TSGA10IP: variants seen among roughly 807,000 people sequenced by gnomAD.
The protein encoded by TSGA10IP is testis-specific protein 10-interacting protein.
TSGA10IP carries 64 observed loss-of-function variants against 63.2 expected under a neutral mutation model. The observed-to-expected ratio is 1.01, with a 90% confidence interval of 0.83 to 1.25. TSGA10IP has a LOEUF of 1.25. TSGA10IP is among the 50% of genes most tolerant of loss of function. The pLI is 0.00. For synonymous variants in TSGA10IP, 316 were observed against 298.3 expected (o/e 1.06, Z -0.61); for missense variants, 681 against 710.1 (o/e 0.96, Z 0.47).
At chr11:65,956,070 C>T (rs1363922338) in intron 5 of TSGA10IP, among the ~76,000 whole-genome samples, 1 of 152,020 alleles carries the variant, frequency 6.6e-6, no homozygotes, top group African/African-American at 2.4e-5. Context: ...GGTGAGGGTC[C>T]TGCCCTGCCT....
At chr11:65,951,075 A>G (rs928329951) in intron 4 of TSGA10IP, among the ~76,000 whole-genome samples, 1 of 152,102 alleles carries the variant, frequency 6.6e-6, no homozygotes, top group African/African-American at 2.4e-5. Flanking sequence ...GTGTATATAT[A>G]CCACCTTTTC....
At chr11:65,955,051 T>G (rs953162529) in intron 5 of TSGA10IP, among the ~76,000 whole-genome samples, 1 of 152,200 alleles carries the variant, frequency 6.6e-6, no homozygotes, top group African/African-American at 2.4e-5. Flanking sequence ...GTGTGTTTTT[T>G]TACCATCAAA....
chr11:65,945,622 C>T (rs1854810992), exon 1 of TSGA10IP: 5 of 1,589,008 alleles, frequency 3.1e-6, no homozygotes, highest in African/African-American at 1.3e-5. Context: ...GGACTGGTTG[C>T]CATAGAGATG....
chr11:65,945,818 A>G (rs1591111061), exon 1 of TSGA10IP: 1 of 1,613,804 alleles, frequency 6.2e-7, no homozygotes. Context: ...TCTCAGGACA[A>G]GCAGGTGAGG....
chr11:65,949,911 G>C (rs1443720094), intron 4 of TSGA10IP, among the ~76,000 whole-genome samples: 50 of 126,464 alleles, frequency 4.0e-4, no homozygotes, highest in African/African-American at 1.5e-3. Context: ...GGAGTGCTGT[G>C]GTGTGATCTC....
chr11:65,958,941 A>G (rs1278810070), exon 6 of TSGA10IP: 1 of 1,613,280 alleles, frequency 6.2e-7, no homozygotes. Flanking sequence ...CATCCAGCAC[A>G]GGGTGCAGGC....
chr11:65,948,319 C>T (rs371481048), intron 4 of TSGA10IP, among the ~76,000 whole-genome samples, 171 bp downstream of exon 4: 3 of 146,142 alleles, frequency 2.1e-5, no homozygotes, highest in African/African-American at 4.9e-5. Flanking sequence ...CATCCATCCA[C>T]CCATCCATCC....
intron 1 of TSGA10IP, 85 bp downstream of exon 1, chr11:65,945,907 C>T: frequency 6.7e-7 from 1 of 1,494,518 alleles, no homozygotes; most frequent in African/African-American, 1.4e-5. Context: ...CCTTGAGAAG[C>T]CACAAGACCT....
In TSGA10IP at chr11:65,948,132, C is replaced by T. The variant is rs758452043; in HGVS notation, c.1135C>T (p.Arg379Ter). 1.0e-5 allele frequency: 16 copies of T among 1,603,468 alleles called. No homozygotes were observed. The highest frequency in any genetic ancestry group is 7.9e-5 in the South Asian group (7 of 88,828). The stretch of plus-strand genomic sequence containing the variant: ...CCTCCCTAATCGCACCTTCCACAAA[C>T]GACAGGAAGCCACCAGGTAAGAGGG... Residue 379 changes from arginine (R) to a stop codon, truncating the protein, a stop_gained, in exon 4 of 8, where the codon CGA becomes TGA. Transcript: ENST00000532620. LOFTEE classifies it high-confidence loss of function.
chr11:65,957,859 G>T (rs1162023811), intron 5 of TSGA10IP, among the ~76,000 whole-genome samples: 2 of 152,316 alleles, frequency 1.3e-5, no homozygotes, highest in South Asian at 4.1e-4. Context: ...TGTGGGTGTG[G>T]CTCGAAGGTC....
At chr11:65,948,953 T>C (rs1854895282) in intron 4 of TSGA10IP, among the ~76,000 whole-genome samples, 1 of 151,168 alleles carries the variant, frequency 6.6e-6, no homozygotes, top group Admixed American at 6.6e-5. Context: ...CCAGCCTGGG[T>C]GACAGAGTGA....
rs781759194 is a variant in TSGA10IP at position 65,945,731 on chromosome 11, CG to C, written c.58del (p.Val20CysfsTer150). 6.2e-7 allele frequency: 1 copy of C among 1,610,752 alleles called. No homozygotes were observed. Among genetic ancestry groups the C allele is most frequent in the Non-Finnish European group, 8.5e-7 (1 of 1,179,714 alleles). On this transcript the variant is annotated frameshift_variant, in exon 1 of 8. Transcript: ENST00000532620. LOFTEE classifies it high-confidence loss of function. Reference sequence around the variant, plus strand: ...TACCAACAGTTGGTTAGGACCCCGTCGGTGCGACCAGGGCAGGACGTGCGGC... The same window carrying C: ...TACCAACAGTTGGTTAGGACCCCGTCGTGCGACCAGGGCAGGACGTGCGGC...
At position 65,945,577 on chromosome 11, in the gene TSGA10IP, G is replaced by A. The variant is rs1007788850; in HGVS notation, c.-99G>A. 5 of 1,399,198 alleles carry A rather than the reference G, an allele frequency of 3.6e-6. No homozygotes were observed. Among genetic ancestry groups the A allele is most frequent in the Non-Finnish European group, 4.9e-6 (5 of 1,018,428 alleles). 86.7% of individuals were successfully genotyped at this position (1,399,198 alleles called of 1,614,324 possible). ...CACATACCCCACTGACCCCTTCCTA[G>A]CATGCTTTTTGCCAGACCCATTGAG... On this transcript the variant is annotated 5_prime_UTR_variant, in exon 1 of 8. An upstream open reading frame in the 5' UTR loses its in-frame stop. Transcript: ENST00000532620.
chr11:65,948,315 T>TCCAC (rs60763649), intron 4 of TSGA10IP, among the ~76,000 whole-genome samples, 167 bp downstream of exon 4: 2,502 of 150,622 alleles, frequency 0.017, 88 homozygotes, highest in East Asian at 0.15. Context: ...CATCCATCCA[T>TCCAC]CCACCCATCC....
At chr11:65,952,115 A>C (rs565811510) in intron 4 of TSGA10IP, among the ~76,000 whole-genome samples, 1 of 152,162 alleles carries the variant, frequency 6.6e-6, no homozygotes, top group South Asian at 2.1e-4. Context: ...TGGCCTCCCA[A>C]AGTGCTGGGA....
At chr11:65,953,437 C>T (rs1434070100) in intron 4 of TSGA10IP, 130 bp from the exon 5 acceptor site, 7 of 1,284,678 alleles carry the variant, frequency 5.4e-6, no homozygotes, top group Middle Eastern at 2.1e-4. Context: ...AAACCCTACT[C>T]CCAGGACACT....
At chr11:65,947,184 G>T in exon 3 of TSGA10IP, 1 of 1,608,922 alleles carries the variant, frequency 6.2e-7, no homozygotes, top group Non-Finnish European at 8.5e-7. Flanking sequence ...ACAGATGTCC[G>T]GGCTGTGCTT....
At chr11:65,948,638 T>A (rs1854889156) in intron 4 of TSGA10IP, among the ~76,000 whole-genome samples, 1 of 151,764 alleles carries the variant, frequency 6.6e-6, no homozygotes, top group African/African-American at 2.4e-5. Context: ...ATCCCACCAT[T>A]GCATTCAGCA....
chr11:65,959,228 G>C (rs922136338), exon 7 of TSGA10IP: 2 of 1,608,202 alleles, frequency 1.2e-6, no homozygotes, highest in East Asian at 2.2e-5. Flanking sequence ...GCTTCTCCCA[G>C]GTGCTGTCAG....
Sources: allele counts gnomAD v4.1 joint callset (sites outside exome capture counted in the v4.1 genomes callset), GRCh38; gene constraint gnomAD v4.1.1; transcripts MANE v1.5; gene names NCBI Gene and HGNC (gene_info 2026-07-23, HGNC 2026-07-21).